RIMS2: variants seen among roughly 807,000 people sequenced by gnomAD.
RIMS2 encodes the protein regulating synaptic membrane exocytosis protein 2.
In RIMS2, 59 loss-of-function variants were observed where a neutral mutation model predicts 174.4. The observed-to-expected ratio is 0.34, with a 90% CI of 0.27 to 0.42. The LOEUF (loss-of-function observed/expected upper bound fraction) is 0.42. Among genes scored for constraint, RIMS2 ranks in the 10% least tolerant of loss-of-function variants. RIMS2 has a pLI of 1.00. For missense variants in RIMS2, 1,620 were observed against 1,666.3 expected, an observed-to-expected ratio of 0.97 and a Z score of 0.48; for synonymous variants, 606 against 572.5, an observed-to-expected ratio of 1.06 and a Z score of -0.84.
chr8:103,640,584 A>G (rs2096207847), intron 1 of RIMS2, among the ~76,000 whole-genome samples: 1 of 152,048 alleles, frequency 6.6e-6, no homozygotes. Flanking sequence ...TTAGTTAAGC[A>G]TATTTTTAAT....
rs191642682 is a variant in RIMS2 at position 103,945,710 on chromosome 8, A to G, written c.2701+2784A>G. On this transcript the variant is annotated intron_variant, in intron 14 of 23. Coordinates refer to ENST00000504942, the Ensembl canonical transcript of RIMS2. ...AACCACATGAATATATGAAAATATG[A>G]AGATAAAGCTTTGGCAGAATTCAAT... 1.0e-3 allele frequency among the ~76,000 whole-genome samples: 159 copies of G among 152,244 alleles called. 1 individual carries two copies. Among genetic ancestry groups the G allele is most frequent in the African/African-American group, 3.0e-3 (125 of 41,564 alleles).
intron 4 of RIMS2, among the ~76,000 whole-genome samples, chr8:103,897,188 T>C (rs1461852135): frequency 6.6e-6 from 1 of 151,764 alleles, no homozygotes; most frequent in Non-Finnish European, 1.5e-5. Flanking sequence ...CCTGCCTATG[T>C]GTTTGTATAT....
At chr8:104,002,588 T>C (rs781130496) in intron 17 of RIMS2, among the ~76,000 whole-genome samples, 1 of 152,184 alleles carries the variant, frequency 6.6e-6, no homozygotes, top group Non-Finnish European at 1.5e-5. Flanking sequence ...AGGTAGCATA[T>C]ACTTTCAACT....
At chr8:103,584,227 T>C (rs1323408404) in intron 1 of RIMS2, among the ~76,000 whole-genome samples, 1 of 152,168 alleles carries the variant, frequency 6.6e-6, no homozygotes, top group Non-Finnish European at 1.5e-5. Flanking sequence ...TATTGTAGAA[T>C]AGTATATCTG....
intron 9 of RIMS2, chr8:103,920,646 T>C (rs200748246): frequency 9.4e-5 from 43 of 457,130 alleles, no homozygotes; most frequent in Non-Finnish European, 1.0e-4. Flanking sequence ...AGAGGTGTTG[T>C]AGGTTCACTG....
chr8:103,569,445 A>G (rs1394624353), intron 1 of RIMS2, among the ~76,000 whole-genome samples: 1 of 152,162 alleles, frequency 6.6e-6, no homozygotes, highest in African/African-American at 2.4e-5. Flanking sequence ...AGGTCAATTT[A>G]GGGAATATTG....
chr8:104,061,419 A>T (rs2096986669), intron 19 of RIMS2, among the ~76,000 whole-genome samples: 1 of 151,970 alleles, frequency 6.6e-6, no homozygotes, highest in East Asian at 1.9e-4. Context: ...CAAGTCGTGT[A>T]TCTTGTATTT....
intron 19 of RIMS2, chr8:104,223,214 C>A: frequency 5.3e-6 from 1 of 190,464 alleles, no homozygotes; most frequent in Non-Finnish European, 1.0e-5. Context: ...GGACCTGAGG[C>A]GCGCGCCCCG....
At chr8:103,782,407 C>T (rs900738260) in intron 3 of RIMS2, among the ~76,000 whole-genome samples, 1 of 150,836 alleles carries the variant, frequency 6.6e-6, no homozygotes, top group African/African-American at 2.4e-5. Flanking sequence ...TTTGCTATTA[C>T]AAATGCTATC....
intron 19 of RIMS2, among the ~76,000 whole-genome samples, chr8:104,097,631 A>C (rs1331692741): frequency 6.6e-6 from 1 of 151,454 alleles, no homozygotes; most frequent in Non-Finnish European, 1.5e-5. Flanking sequence ...AAAAACAATG[A>C]CAAGCTTTCA....
chr8:103,735,207 T>G (rs1266185477), intron 2 of RIMS2, among the ~76,000 whole-genome samples: 1 of 152,194 alleles, frequency 6.6e-6, no homozygotes, highest in Non-Finnish European at 1.5e-5. Context: ...GGTTTTTAGT[T>G]CAGTAAATTT....
chr8:103,772,984 T>C (rs969486747), intron 3 of RIMS2, among the ~76,000 whole-genome samples: 5 of 152,184 alleles, frequency 3.3e-5, no homozygotes, highest in African/African-American at 1.2e-4. Flanking sequence ...GCTAAAATTA[T>C]AAAACTTCTG....
intron 19 of RIMS2, among the ~76,000 whole-genome samples, chr8:104,244,714 T>C (rs944041036): frequency 5.3e-5 from 8 of 152,232 alleles, no homozygotes; most frequent in Non-Finnish European, 1.2e-4. Flanking sequence ...TTTGTGCTTC[T>C]ACAGATTTTT....
chr8:103,885,713 T>C (rs1479435587), exon 4 of RIMS2: 2 of 1,613,070 alleles, frequency 1.2e-6, no homozygotes, highest in Middle Eastern at 1.7e-4. Context: ...TAGTGATGTT[T>C]CTTTGGCAAA....
intron 2 of RIMS2, among the ~76,000 whole-genome samples, chr8:103,732,820 G>T (rs1177648346): frequency 6.6e-6 from 1 of 152,146 alleles, no homozygotes; most frequent in Non-Finnish European, 1.5e-5. Flanking sequence ...CAAATCCTGA[G>T]TCTCTTCCTT....
At chr8:104,064,928 A>G (rs1287356648) in intron 19 of RIMS2, among the ~76,000 whole-genome samples, 1 of 152,106 alleles carries the variant, frequency 6.6e-6, no homozygotes, top group African/African-American at 2.4e-5. Context: ...CTTGAATTAT[A>G]AAACCATATC....
chr8:103,706,494 A>G (rs1197653807), intron 2 of RIMS2, among the ~76,000 whole-genome samples: 1 of 152,134 alleles, frequency 6.6e-6, no homozygotes, highest in Non-Finnish European at 1.5e-5. Flanking sequence ...GTCTAGTGGT[A>G]ATGAATTCCC....
At chr8:104,068,905 G>A (rs970810945) in intron 19 of RIMS2, among the ~76,000 whole-genome samples, 4 of 152,028 alleles carry the variant, frequency 2.6e-5, no homozygotes, top group Non-Finnish European at 5.9e-5. Context: ...GAACTTAAAT[G>A]ATCTTATGGT....
At chr8:103,614,150 T>G (rs530303275) in intron 1 of RIMS2, among the ~76,000 whole-genome samples, 7 of 152,348 alleles carry the variant, frequency 4.6e-5, no homozygotes, top group Admixed American at 3.9e-4. Context: ...TCTTTTCAGC[T>G]TATTTAGGAT....
Sources: gnomAD v4.1 joint callset for allele counts (sites outside exome capture counted in the v4.1 genomes callset) on GRCh38, gnomAD v4.1.1 for gene constraint, MANE v1.5 for transcripts, NCBI Gene and HGNC (gene_info 2026-07-23, HGNC 2026-07-21) for gene names.